FOXP2: variants seen among roughly 807,000 people sequenced by gnomAD.
FOXP2 encodes forkhead box protein P2.
A neutral mutation model predicts 115.8 loss-of-function variants in FOXP2; 12 were observed. The ratio of observed to expected loss-of-function variants is 0.10; its 90% CI spans 0.07 to 0.17. The LOEUF (loss-of-function observed/expected upper bound fraction) is 0.17, where lower values mean the gene tolerates loss of function less well. Among genes scored for constraint, FOXP2 ranks in the 10% least tolerant of loss-of-function variants. The probability of loss-of-function intolerance (pLI) is 1.00; values close to 1 mark genes in which losing one functional copy is unlikely to be tolerated. For synonymous variants in FOXP2, 328 were observed against 297.7 expected, an observed-to-expected ratio of 1.10 and a Z score of -1.05; for missense variants, 629 against 843.5, an observed-to-expected ratio of 0.75 and a Z score of 3.15.
At chr7:114,136,698 C>A (rs1415597831) in intron 1 of FOXP2, among the ~76,000 whole-genome samples, 2 of 151,348 alleles carry the variant, frequency 1.3e-5, no homozygotes, top group Non-Finnish European at 3.0e-5. Context: ...AAAAAAAGAT[C>A]ATTTAAAAGA....
At chr7:114,127,184 A>G (rs764708118) in intron 1 of FOXP2, among the ~76,000 whole-genome samples, 4 of 152,164 alleles carry the variant, frequency 2.6e-5, no homozygotes, top group Non-Finnish European at 4.4e-5. Flanking sequence ...TTATTGCCAC[A>G]TGGGACTGAA....
chr7:114,257,626 TG>T (rs138259318), intron 1 of FOXP2, among the ~76,000 whole-genome samples: 6,279 of 152,020 alleles, frequency 0.041, 316 homozygotes, highest in African/African-American at 0.12. Context: ...GCTAGTTTTT[TG>T]TATTTTTAGT....
intron 11 of FOXP2, among the ~76,000 whole-genome samples, chr7:114,658,494 A>G (rs947926228): frequency 6.6e-6 from 1 of 152,210 alleles, no homozygotes; most frequent in African/African-American, 2.4e-5. Context: ...CATTAGAGAC[A>G]CTGAGAGATG....
At chr7:114,555,024 A>T (rs947652789) in intron 3 of FOXP2, among the ~76,000 whole-genome samples, 2 of 152,200 alleles carry the variant, frequency 1.3e-5, no homozygotes, top group Non-Finnish European at 2.9e-5. Flanking sequence ...GGGCCAGCGA[A>T]AAAGAAGACC....
Position 114,662,103 on chromosome 7 carries a change from T to C in FOXP2, c.1686T>C (p.Phe562=), listed in dbSNP as rs372567072. The C allele has an allele frequency of 6.4e-5, 103 of 1,612,940 alleles. No individual in the cohort carries two copies. The Middle Eastern group carries it at 6.6e-4, about 10-fold the overall frequency. Residue 562 remains phenylalanine (F), a synonymous_variant, in exon 14 of 17, where the codon TTT becomes TTC. Transcript: ENST00000350908. ...VRHNLSLHKC[F]VRVENVKGAV... Reference sequence around the variant, plus strand: ...ATAATCTTAGCCTGCACAAGTGTTTTGTTCGAGTAGAAAATGTTAAAGGAG... The same window carrying C: ...ATAATCTTAGCCTGCACAAGTGTTTCGTTCGAGTAGAAAATGTTAAAGGAG...
At chr7:114,451,520 C>T (rs916418659) in intron 2 of FOXP2, among the ~76,000 whole-genome samples, 1 of 151,974 alleles carries the variant, frequency 6.6e-6, no homozygotes, top group Non-Finnish European at 1.5e-5. Context: ...ATAGTTTGTT[C>T]TTGTCCTTAT....
At chr7:114,372,524 C>G (rs553125036) in intron 2 of FOXP2, among the ~76,000 whole-genome samples, 3 of 152,156 alleles carry the variant, frequency 2.0e-5, no homozygotes, top group Admixed American at 6.5e-5. Flanking sequence ...ACTGAGTACT[C>G]TATGTGAGTT....
intron 1 of FOXP2, among the ~76,000 whole-genome samples, chr7:114,167,225 T>A (rs570771867): frequency 6.6e-6 from 1 of 152,170 alleles, no homozygotes; most frequent in East Asian, 1.9e-4. Context: ...CTGTGATACA[T>A]CCAGACAAGG....
chr7:114,389,956 G>A (rs187546561), intron 2 of FOXP2, among the ~76,000 whole-genome samples: 11 of 150,196 alleles, frequency 7.3e-5, no homozygotes, highest in East Asian at 2.0e-4. Context: ...CCTGGGAGGC[G>A]GAGGTTGCTG....
In FOXP2 at chr7:114,659,555, A is replaced by G. The variant is rs776268385; in HGVS notation, c.1546-17A>G. The G allele has an allele frequency of 3.1e-6, 5 of 1,607,144 alleles. No homozygotes were observed. The East Asian group carries it at 1.1e-4, about 36-fold the overall frequency. Reference sequence around the variant, plus strand: ...AAACCATTATTTTATGTCACTATGTATCTTGTCTCATTTCAGGCTATCATG... The same window carrying G: ...AAACCATTATTTTATGTCACTATGTGTCTTGTCTCATTTCAGGCTATCATG... On this transcript the variant is annotated splice_polypyrimidine_tract_variant and intron_variant, in intron 12 of 16. Transcript: ENST00000350908.
At chr7:114,449,833 G>A (rs966337943) in intron 2 of FOXP2, among the ~76,000 whole-genome samples, 5 of 151,916 alleles carry the variant, frequency 3.3e-5, no homozygotes, top group African/African-American at 1.2e-4. Flanking sequence ...AGTAAACCTA[G>A]ATTAACAGAA....
At chr7:114,670,251 GATATA>G (rs1261777500) in intron 16 of FOXP2, among the ~76,000 whole-genome samples, 23 of 151,982 alleles carry the variant, frequency 1.5e-4, no homozygotes, top group Admixed American at 9.8e-4. Flanking sequence ...TAATATATTG[GATATA>G]ATATAAGAAA....
chr7:114,558,505 C>A (rs572906031), intron 3 of FOXP2, among the ~76,000 whole-genome samples: 1 of 152,092 alleles, frequency 6.6e-6, no homozygotes, highest in African/African-American at 2.4e-5. Flanking sequence ...CTCTTTCTGT[C>A]CCCAACCCTA....
At chr7:114,442,871 A>G (rs1286884275) in intron 2 of FOXP2, among the ~76,000 whole-genome samples, 2 of 152,206 alleles carry the variant, frequency 1.3e-5, no homozygotes, top group Non-Finnish European at 2.9e-5. Context: ...TTTTAATGTC[A>G]TCCAGATCAA....
rs942638508 is a variant in FOXP2 at position 114,426,635 on chromosome 7, T to C, written c.124T>C (p.Ser42Pro). The C allele has an allele frequency of 1.9e-6, 3 of 1,611,400 alleles. No homozygotes were observed. Among genetic ancestry groups the C allele is most frequent in the Non-Finnish European group, 1.7e-6 (2 of 1,178,326 alleles). ...TGGAAGATCAAGTGGTGACACCAGC[T>C]CTGAAGTAAGCACAGTAGAACTGCT... ...RDGRSSGDTSSEVSTVELLHL... is the reference protein window; with the variant it reads ...RDGRSSGDTSPEVSTVELLHL... The change falls in exon 2 of 17, where the codon TCT (serine) becomes CCT (proline). Residue 42 changes from serine to proline, a missense_variant. Ser to Pro is a moderately conservative substitution (Grantham distance 74). Transcript: ENST00000350908.
intron 2 of FOXP2, among the ~76,000 whole-genome samples, chr7:114,501,235 C>T (rs1797554630): frequency 6.6e-6 from 1 of 151,910 alleles, no homozygotes; most frequent in Admixed American, 6.6e-5. Flanking sequence ...AGATTTTAAG[C>T]GAGGTTATTA....
intron 3 of FOXP2, among the ~76,000 whole-genome samples, chr7:114,578,352 ATC>A (rs1584916724): frequency 6.6e-6 from 1 of 152,010 alleles, no homozygotes; most frequent in East Asian, 1.9e-4. Context: ...TCTGCTTAAC[ATC>A]TATTTTCATC....
At chr7:114,599,452 T>C (rs1338909115) in intron 3 of FOXP2, among the ~76,000 whole-genome samples, 1 of 152,134 alleles carries the variant, frequency 6.6e-6, no homozygotes, top group Non-Finnish European at 1.5e-5. Flanking sequence ...AATTCACTGG[T>C]AAAGTCAACT....
At chr7:114,326,772 C>T (rs2129182219) in intron 2 of FOXP2, among the ~76,000 whole-genome samples, 1 of 152,242 alleles carries the variant, frequency 6.6e-6, no homozygotes, top group Non-Finnish European at 1.5e-5. Flanking sequence ...TAATTACCTA[C>T]TGTAGTCACA....
Sources: gnomAD v4.1 joint callset for allele counts (sites outside exome capture counted in the v4.1 genomes callset) on GRCh38, gnomAD v4.1.1 for gene constraint, MANE v1.5 for transcripts, NCBI Gene and HGNC (gene_info 2026-07-23, HGNC 2026-07-21) for gene names.